DYM: variants seen among roughly 807,000 people sequenced by gnomAD.
DYM encodes the protein dyggve-Melchior-Clausen syndrome protein.
A neutral mutation model predicts 93.1 loss-of-function variants in DYM; 78 were observed. The ratio of observed to expected loss-of-function variants is 0.84; its 90% CI spans 0.70 to 1.01. DYM has a LOEUF of 1.01. Among genes scored for constraint, DYM ranks in the 50% least tolerant of loss-of-function variants. The pLI is 0.00. For missense variants in DYM, 789 were observed against 845.0 expected (o/e 0.93, Z 0.82); for synonymous variants, 321 against 319.7 (o/e 1.00, Z -0.04).
At chr18:49,267,362 G>A (rs2094587943) in intron 11 of DYM, among the ~76,000 whole-genome samples, 1 of 152,136 alleles carries the variant, frequency 6.6e-6, no homozygotes, top group East Asian at 1.9e-4. Context: ...ATGTCCAAGT[G>A]CACTTTACCC....
intron 14 of DYM, among the ~76,000 whole-genome samples, chr18:49,193,259 G>C (rs933825223): frequency 4.6e-5 from 7 of 151,242 alleles, no homozygotes; most frequent in African/African-American, 1.5e-4. Context: ...CAGAGTAAGA[G>C]TTCAATAAAT....
intron 5 of DYM, among the ~76,000 whole-genome samples, chr18:49,375,466 G>C (rs1355586060): frequency 6.6e-6 from 1 of 151,844 alleles, no homozygotes; most frequent in Non-Finnish European, 1.5e-5. Flanking sequence ...AAGTTAATGA[G>C]GTAGTAATTC....
At chr18:49,204,056 A>C (rs1467590994) in intron 14 of DYM, among the ~76,000 whole-genome samples, 4 of 151,966 alleles carry the variant, frequency 2.6e-5, no homozygotes, top group Non-Finnish European at 4.4e-5. Context: ...TACCTAAATC[A>C]GGTCCATGTA....
chr18:49,141,029 G>T (rs971248221), intron 15 of DYM, among the ~76,000 whole-genome samples: 1 of 152,120 alleles, frequency 6.6e-6, no homozygotes, highest in African/African-American at 2.4e-5. Context: ...CGCTCTTGTG[G>T]TTTTTCTGAT....
intron 2 of DYM, among the ~76,000 whole-genome samples, chr18:49,409,296 A>G (rs934036396): frequency 1.3e-5 from 2 of 151,588 alleles, no homozygotes; most frequent in African/African-American, 2.4e-5. Context: ...AAAAAAAAAA[A>G]AAAGAAAAAA....
chr18:49,272,700 T>C (rs2094738111), intron 10 of DYM, among the ~76,000 whole-genome samples: 1 of 152,154 alleles, frequency 6.6e-6, no homozygotes, highest in Admixed American at 6.6e-5. Context: ...ACCACCTTTT[T>C]AAAGCTAGTA....
At chr18:49,047,189 C>T (rs1325012451) in intron 17 of DYM, among the ~76,000 whole-genome samples, 1 of 152,214 alleles carries the variant, frequency 6.6e-6, no homozygotes, top group Non-Finnish European at 1.5e-5. Flanking sequence ...ACGCCAAGCT[C>T]TAGCACTACC....
intron 6 of DYM, among the ~76,000 whole-genome samples, chr18:49,348,660 G>A (rs543226698): frequency 6.6e-6 from 1 of 151,816 alleles, no homozygotes. Flanking sequence ...TGTAATCCCA[G>A]CACTTTGGGA....
intron 15 of DYM, among the ~76,000 whole-genome samples, chr18:49,145,106 T>C (rs1273898884): frequency 1.0e-5 from 1 of 96,426 alleles, no homozygotes; most frequent in Non-Finnish European, 2.0e-5. Context: ...CTCAAAAAAA[T>C]TCATATATAT....
At chr18:49,097,120 T>A in intron 17 of DYM, 1 of 490,984 alleles carries the variant, frequency 2.0e-6, no homozygotes, top group East Asian at 3.9e-5. Flanking sequence ...ATGATACTCT[T>A]AAGGCCGAAT....
At chr18:49,048,396 C>T (rs1599340283) in intron 17 of DYM, 1 of 152,128 alleles carries the variant, frequency 6.6e-6, no homozygotes, top group Admixed American at 6.5e-5. Flanking sequence ...ATAATAACAT[C>T]TTACATTTCG....
chr18:49,161,674 C>A (rs977254677), intron 15 of DYM, among the ~76,000 whole-genome samples: 3 of 152,158 alleles, frequency 2.0e-5, no homozygotes, highest in Non-Finnish European at 4.4e-5. Context: ...ACAGGAAAAT[C>A]TTAAAAGATA....
At chr18:49,275,942 T>G (rs1170342781) in intron 10 of DYM, among the ~76,000 whole-genome samples, 5 of 152,212 alleles carry the variant, frequency 3.3e-5, no homozygotes, top group African/African-American at 1.2e-4. Context: ...TTTGCTGAAC[T>G]CATCTATTAA....
At chr18:49,047,900 C>T (rs914249735) in intron 17 of DYM, among the ~76,000 whole-genome samples, 4 of 152,190 alleles carry the variant, frequency 2.6e-5, no homozygotes, top group South Asian at 2.1e-4. Flanking sequence ...GAAGCTCCCA[C>T]GGCATCCTGG....
Position 49,272,277 on chromosome 18 carries a change from A to T in DYM, c.1152T>A (p.Tyr384Ter), listed in dbSNP as rs2094724627. Reference protein sequence around the residue: ...NLVLPILEILYHVEERNSHHV... With the variant: ...NLVLPILEIL Reference sequence around the variant, plus strand: ...GGTGTGAATTCCTTTCTTCAACATGATACAGAATCTCAAGAATTGGTAAAA... The same window carrying T: ...GGTGTGAATTCCTTTCTTCAACATGTTACAGAATCTCAAGAATTGGTAAAA... Residue 384 changes from tyrosine (Y) to a stop codon, truncating the protein, a stop_gained, in exon 11 of 18, where the codon TAT becomes TAA. Transcript: ENST00000675505. LOFTEE classifies it high-confidence loss of function. 1.9e-6 allele frequency: 3 copies of T among 1,565,008 alleles called. No individual in the cohort carries two copies. In the Admixed American group the frequency reaches 5.0e-5, roughly 26 times the overall value.
intron 11 of DYM, among the ~76,000 whole-genome samples, chr18:49,267,894 C>CTCAA (rs1214979279): frequency 1.3e-5 from 2 of 149,888 alleles, no homozygotes; most frequent in East Asian, 2.1e-4. Context: ...GAGACTGTGT[C>CTCAA]TCAAACAAAC....
chr18:49,142,955 T>C (rs2084689279), intron 15 of DYM, among the ~76,000 whole-genome samples: 1 of 152,182 alleles, frequency 6.6e-6, no homozygotes, highest in Non-Finnish European at 1.5e-5. Flanking sequence ...ATCAGAAAGA[T>C]TGTTCTGATG....
chr18:49,199,187 T>C (rs1401668625), intron 14 of DYM, among the ~76,000 whole-genome samples: 1 of 151,850 alleles, frequency 6.6e-6, no homozygotes, highest in Non-Finnish European at 1.5e-5. Context: ...ATGAGAACAC[T>C]TGGACACAGG....
chr18:49,176,574 C>CTTTTTT (rs36121103), intron 14 of DYM, among the ~76,000 whole-genome samples: 3 of 99,430 alleles, frequency 3.0e-5, no homozygotes, highest in Non-Finnish European at 6.1e-5. Flanking sequence ...CCAAGCCTGG[C>CTTTTTT]TTTTTTTTTT....
Sources: gnomAD v4.1 joint callset for allele counts (sites outside exome capture counted in the v4.1 genomes callset) on GRCh38, gnomAD v4.1.1 for gene constraint, MANE v1.5 for transcripts, NCBI Gene and HGNC (gene_info 2026-07-23, HGNC 2026-07-21) for gene names.